The following CFAP299 variants were observed in gnomAD, a reference collection of about 807,000 sequenced individuals.
CFAP299 encodes cilia- and flagella-associated protein 299.
CFAP299 carries 21 observed loss-of-function variants against 27.0 expected under a neutral mutation model. The observed-to-expected ratio is 0.78, with a 90% CI of 0.55 to 1.12. The LOEUF (loss-of-function observed/expected upper bound fraction) is 1.12. Ranked by LOEUF, CFAP299 falls within the 50% of genes most tolerant of loss-of-function variation. The probability of loss-of-function intolerance (pLI) is 0.00; values close to 1 mark genes in which losing one functional copy is unlikely to be tolerated. For synonymous variants in CFAP299, 104 were observed against 98.1 expected (o/e 1.06, Z -0.36); for missense variants, 310 against 276.6 (o/e 1.12, Z -0.86).
chr4:80,857,541 T>G (rs1205537676), intron 3 of CFAP299, among the ~76,000 whole-genome samples: 1 of 152,204 alleles, frequency 6.6e-6, no homozygotes, highest in Non-Finnish European at 1.5e-5. Flanking sequence ...TGGCTGTTGG[T>G]TTGTCATAGA....
intron 2 of CFAP299, among the ~76,000 whole-genome samples, chr4:80,480,915 G>C (rs1311359623): frequency 1.3e-5 from 2 of 152,044 alleles, no homozygotes; most frequent in African/African-American, 2.4e-5. Flanking sequence ...AAATAATTAA[G>C]TGCTACCCTT....
intron 3 of CFAP299, among the ~76,000 whole-genome samples, chr4:80,818,292 T>C (rs1028729583): frequency 2.6e-5 from 4 of 152,226 alleles, no homozygotes; most frequent in Non-Finnish European, 4.4e-5. Flanking sequence ...GCCATCTTTA[T>C]TTCAATTTTA....
intron 1 of CFAP299, among the ~76,000 whole-genome samples, chr4:80,341,574 C>T (rs2109969694): frequency 6.6e-6 from 1 of 152,258 alleles, no homozygotes; most frequent in African/African-American, 2.4e-5. Flanking sequence ...AGTGATCCCC[C>T]AACAAGCAGC....
intron 2 of CFAP299, among the ~76,000 whole-genome samples, chr4:80,545,110 G>A (rs915442787): frequency 1.6e-5 from 2 of 124,324 alleles, no homozygotes; most frequent in African/African-American, 9.0e-5. Context: ...AATGGGTTTT[G>A]GGTAAGAAAA....
chr4:80,353,162 G>T (rs576282122), intron 1 of CFAP299, among the ~76,000 whole-genome samples: 52 of 152,220 alleles, frequency 3.4e-4, no homozygotes, highest in Middle Eastern at 3.4e-3. Context: ...CCCTTACTAG[G>T]CTGATTGTAG....
intron 3 of CFAP299, among the ~76,000 whole-genome samples, chr4:80,784,705 C>G (rs1727141389): frequency 6.6e-6 from 1 of 151,656 alleles, no homozygotes; most frequent in Non-Finnish European, 1.5e-5. Flanking sequence ...CTAGTGGAGA[C>G]TAGAAATGGG....
intron 4 of CFAP299, among the ~76,000 whole-genome samples, chr4:80,891,703 C>T (rs1208559072): frequency 9.6e-5 from 10 of 104,098 alleles, no homozygotes; most frequent in East Asian, 5.8e-4. Context: ...CAGCATGGCA[C>T]ATGTATACAT....
In CFAP299 at chr4:80,834,912, G is replaced by GT. The variant is rs558914335; in HGVS notation, c.334-35074dup. Among the ~76,000 whole-genome samples, 166 of 152,190 alleles carry GT rather than the reference G, an allele frequency of 1.1e-3. 1 individual carries two copies. The highest frequency in any genetic ancestry group is 3.9e-3 in the African/African-American group (160 of 41,512). ...TCTCTGTTGTTCTCTTGTTCTGCATGTTTTTTTAAATTAGAACTGAAAATA... is the reference window on the plus strand; with the variant it reads ...TCTCTGTTGTTCTCTTGTTCTGCATGTTTTTTTTAAATTAGAACTGAAAATA... On this transcript the variant is annotated intron_variant, in intron 3 of 5. Coordinates refer to ENST00000358105, the MANE Select transcript of CFAP299 (RefSeq NM_152770.3).
intron 2 of CFAP299, among the ~76,000 whole-genome samples, chr4:80,561,582 C>T (rs904981908): frequency 1.3e-5 from 2 of 151,936 alleles, no homozygotes; most frequent in African/African-American, 2.4e-5. Context: ...GGAAATCAGG[C>T]TTCTATCAGA....
At chr4:80,633,855 C>A (rs963601901) in intron 3 of CFAP299, among the ~76,000 whole-genome samples, 1 of 151,976 alleles carries the variant, frequency 6.6e-6, no homozygotes, top group Admixed American at 6.6e-5. Context: ...TTAATTAGAA[C>A]CTTTTCTTTA....
chr4:80,706,180 T>C (rs2110032073), intron 3 of CFAP299, among the ~76,000 whole-genome samples: 1 of 151,914 alleles, frequency 6.6e-6, no homozygotes, highest in Admixed American at 6.6e-5. Context: ...TGTAGGCTCT[T>C]ATAAGCAAGT....
At chr4:80,370,652 C>T (rs1724098171) in intron 2 of CFAP299, among the ~76,000 whole-genome samples, 1 of 152,214 alleles carries the variant, frequency 6.6e-6, no homozygotes, top group Non-Finnish European at 1.5e-5. Flanking sequence ...GTCATTAAAC[C>T]CTAAAGCTCC....
At chr4:80,724,435 A>G (rs535558001) in intron 3 of CFAP299, among the ~76,000 whole-genome samples, 179 of 152,116 alleles carry the variant, frequency 1.2e-3, no homozygotes, top group African/African-American at 4.2e-3. Flanking sequence ...AAAAATGATT[A>G]CTCATTTAAA....
intron 3 of CFAP299, among the ~76,000 whole-genome samples, chr4:80,676,296 G>A (rs1586346): frequency 0.71 from 108,381 of 152,152 alleles, 41,734 homozygotes; most frequent in Non-Finnish European, 0.85. Context: ...GCATTTCTAG[G>A]ATGAATTGCA....
chr4:80,877,948 G>A (rs1046375700), intron 4 of CFAP299, among the ~76,000 whole-genome samples: 1 of 151,994 alleles, frequency 6.6e-6, no homozygotes, highest in African/African-American at 2.4e-5. Flanking sequence ...GTAGCTTACA[G>A]ATTTCACCTT....
intron 2 of CFAP299, among the ~76,000 whole-genome samples, chr4:80,562,221 A>C (rs10021487): frequency 0.62 from 93,760 of 151,656 alleles, 32,871 homozygotes; most frequent in Non-Finnish European, 0.77. Flanking sequence ...GAAAGGCAGG[A>C]AGGAAGGAAA....
Position 80,378,111 on chromosome 4 carries a change from G to A in CFAP299, c.242+15227G>A, listed in dbSNP as rs550206957. ...AATTAAAGTTGAGATTTGGGTGGGGGCACAGCCAAACCATATCAATAGCTT... is the reference window on the plus strand; with the variant it reads ...AATTAAAGTTGAGATTTGGGTGGGGACACAGCCAAACCATATCAATAGCTT... On this transcript the variant is annotated intron_variant, in intron 2 of 5. Coordinates refer to ENST00000358105, the MANE Select transcript of CFAP299 (RefSeq NM_152770.3). Among the ~76,000 whole-genome samples the A allele has an allele frequency of 7.9e-5, 12 of 152,204 alleles. No homozygotes were observed. The South Asian group carries it at 2.1e-3, about 26-fold the overall frequency.
intron 2 of CFAP299, among the ~76,000 whole-genome samples, chr4:80,390,933 GTATA>G (rs1725430609): frequency 2.6e-5 from 1 of 37,836 alleles, no homozygotes; most frequent in Non-Finnish European, 9.9e-5. Context: ...ATGTATATAT[GTATA>G]TATGTATGTA....
intron 4 of CFAP299, among the ~76,000 whole-genome samples, chr4:80,921,194 G>C (rs940271990): frequency 7.2e-5 from 11 of 151,872 alleles, no homozygotes; most frequent in African/African-American, 2.7e-4. Context: ...CCTGTGTCTT[G>C]GGCATAGTAT....
Sources: allele counts gnomAD v4.1 joint callset (sites outside exome capture counted in the v4.1 genomes callset), GRCh38; gene constraint gnomAD v4.1.1; transcripts MANE v1.5; gene names NCBI Gene and HGNC (gene_info 2026-07-23, HGNC 2026-07-21).